The following HS3ST4 variants were observed in gnomAD, a reference collection of about 807,000 sequenced individuals.
The protein encoded by HS3ST4 is heparan sulfate glucosamine 3-O-sulfotransferase 4.
A neutral mutation model predicts 29.2 loss-of-function variants in HS3ST4; 17 were observed. The observed-to-expected ratio is 0.58, with a 90% CI of 0.40 to 0.87. The LOEUF (loss-of-function observed/expected upper bound fraction) is 0.87, where lower values mean the gene tolerates loss of function less well. Ranked by LOEUF, HS3ST4 falls within the 40% of genes least tolerant of loss-of-function variation. The pLI is 0.00. For synonymous variants in HS3ST4, 314 were observed against 285.7 expected, an observed-to-expected ratio of 1.10 and a Z score of -1.00; for missense variants, 627 against 634.5, an observed-to-expected ratio of 0.99 and a Z score of 0.13.
intron 1 of HS3ST4, among the ~76,000 whole-genome samples, chr16:26,017,674 A>G (rs1969374292): frequency 6.6e-6 from 1 of 152,178 alleles, no homozygotes; most frequent in African/African-American, 2.4e-5. Context: ...TCAGTCATTA[A>G]TGTCTTCCTG....
At chr16:26,083,856 G>A (rs1382645169) in intron 1 of HS3ST4, among the ~76,000 whole-genome samples, 1 of 152,242 alleles carries the variant, frequency 6.6e-6, no homozygotes, top group Non-Finnish European at 1.5e-5. Flanking sequence ...TATTTGGACT[G>A]TGAAGTTGAC....
intron 1 of HS3ST4, among the ~76,000 whole-genome samples, chr16:25,885,364 G>T (rs2141665984): frequency 6.6e-6 from 1 of 152,262 alleles, no homozygotes; most frequent in Middle Eastern, 3.4e-3. Context: ...GACCCTCAGA[G>T]GAGGGGACCA....
chr16:26,133,021 C>G (rs1899440064), intron 1 of HS3ST4, among the ~76,000 whole-genome samples: 1 of 152,158 alleles, frequency 6.6e-6, no homozygotes, highest in African/African-American at 2.4e-5. Flanking sequence ...CACCAGCCTC[C>G]AGATCCGGAA....
intron 1 of HS3ST4, among the ~76,000 whole-genome samples, chr16:25,781,580 C>T (rs770713542): frequency 2.0e-5 from 3 of 152,132 alleles, no homozygotes; most frequent in Non-Finnish European, 4.4e-5. Flanking sequence ...AATCCTCACC[C>T]CTCCTTATGT....
chr16:25,782,072 T>C (rs1389773699), intron 1 of HS3ST4, among the ~76,000 whole-genome samples: 5 of 152,056 alleles, frequency 3.3e-5, no homozygotes, highest in Non-Finnish European at 7.4e-5. Flanking sequence ...TGGCAGAAGG[T>C]GAAGGGGAAG....
In HS3ST4 at chr16:26,121,173, G is replaced by T. The variant is rs186379392; in HGVS notation, c.735-14439G>T. 6.9e-3 allele frequency among the ~76,000 whole-genome samples: 1,049 copies of T among 152,296 alleles called. 10 individuals carry two copies. The highest frequency in any genetic ancestry group is 0.016 in the African/African-American group (657 of 41,564). ...AGTTATTTCGAGAGAGGATGGCAGA[G>T]CCAGGATCCCAGGGACAGACAGCCA... On this transcript the variant is annotated intron_variant, in intron 1 of 1. Transcript: ENST00000331351.
chr16:25,704,696 G>A (rs1011306333), intron 1 of HS3ST4, among the ~76,000 whole-genome samples: 2 of 151,974 alleles, frequency 1.3e-5, no homozygotes, highest in African/African-American at 4.8e-5. Context: ...TGGCCAACAT[G>A]GTGAAACCCC....
intron 1 of HS3ST4, among the ~76,000 whole-genome samples, chr16:25,747,381 C>T (rs558036323): frequency 3.9e-5 from 6 of 152,314 alleles, no homozygotes; most frequent in African/African-American, 1.4e-4. Flanking sequence ...CAAAGCTGAG[C>T]TTTTGCTTTT....
intron 1 of HS3ST4, among the ~76,000 whole-genome samples, chr16:26,032,189 G>A (rs1425595897): frequency 1.3e-5 from 2 of 152,200 alleles, no homozygotes; most frequent in Non-Finnish European, 2.9e-5. Flanking sequence ...TGGAAAGGGA[G>A]AAGAGGACAT....
At position 25,828,254 on chromosome 16, in the gene HS3ST4, TTC is replaced by T. The variant is rs1480877004; in HGVS notation, c.734+135105_734+135106del. Among the ~76,000 whole-genome samples, 126 of 73,684 alleles carry T rather than the reference TTC, an allele frequency of 1.7e-3. 1 individual carries two copies. The highest frequency in any genetic ancestry group is 7.2e-3 in the African/African-American group (122 of 16,884). The allele number at this position is 73,684 out of a possible 152,430, so 48.3% of individuals were successfully genotyped here. ...TCTTTCTTTCTTTCTCTTTCTTTCT[TTC>T]TTTCTTTCTTTCTTTCTTTCTTTCT... On this transcript the variant is annotated intron_variant, in intron 1 of 1. Coordinates refer to ENST00000331351, the MANE Select transcript of HS3ST4 (RefSeq NM_006040.3).
intron 1 of HS3ST4, among the ~76,000 whole-genome samples, chr16:26,050,212 A>G (rs1898322692): frequency 6.6e-6 from 1 of 152,100 alleles, no homozygotes; most frequent in Non-Finnish European, 1.5e-5. Context: ...TCCTCTCATT[A>G]ATATACAAAA....
chr16:25,903,807 T>G (rs1394666919), intron 1 of HS3ST4, among the ~76,000 whole-genome samples: 1 of 149,858 alleles, frequency 6.7e-6, no homozygotes, highest in East Asian at 1.9e-4. Flanking sequence ...AATACGCACT[T>G]TTTTGCCTGA....
At chr16:25,825,938 T>A (rs1967210176) in intron 1 of HS3ST4, 1 of 152,326 alleles carries the variant, frequency 6.6e-6, no homozygotes, top group Non-Finnish European at 1.5e-5. Flanking sequence ...TCTTTGCCCT[T>A]TAAAGTCTCT....
At chr16:25,916,673 CTT>C (rs34339195) in intron 1 of HS3ST4, among the ~76,000 whole-genome samples, 4 of 92,166 alleles carry the variant, frequency 4.3e-5, no homozygotes, top group Admixed American at 1.3e-4. Context: ...CAAATGCATT[CTT>C]TTTTTTTTTT....
intron 1 of HS3ST4, among the ~76,000 whole-genome samples, chr16:25,725,161 C>T (rs1414417562): frequency 1.3e-5 from 2 of 151,494 alleles, no homozygotes; most frequent in East Asian, 1.9e-4. Context: ...AGAAATGCTG[C>T]TTCTCTAAAT....
intron 1 of HS3ST4, among the ~76,000 whole-genome samples, chr16:25,740,615 C>A (rs1272371725): frequency 2.0e-5 from 3 of 152,118 alleles, no homozygotes; most frequent in East Asian, 3.8e-4. Context: ...CTAATTTAAA[C>A]CATGTAAAAT....
At chr16:26,119,437 GGATGT>G (rs796718499) in intron 1 of HS3ST4, among the ~76,000 whole-genome samples, 3 of 152,344 alleles carry the variant, frequency 2.0e-5, no homozygotes, top group African/African-American at 7.2e-5. Context: ...TGCACTTATT[GGATGT>G]GCTGCAGGGT....
At chr16:25,889,020 A>G (rs114449651) in intron 1 of HS3ST4, among the ~76,000 whole-genome samples, 2,082 of 152,246 alleles carry the variant, frequency 0.014, 43 homozygotes, top group African/African-American at 0.047. Context: ...GGTTTCCAAG[A>G]CACTGGATTT....
At chr16:25,905,139 C>T (rs1398020048) in intron 1 of HS3ST4, among the ~76,000 whole-genome samples, 5 of 152,074 alleles carry the variant, frequency 3.3e-5, no homozygotes, top group Admixed American at 1.3e-4. Flanking sequence ...AAGGACTCCT[C>T]CTCTCTATGA....
Sources: allele counts gnomAD v4.1 joint callset (sites outside exome capture counted in the v4.1 genomes callset), GRCh38; gene constraint gnomAD v4.1.1; transcripts MANE v1.5; gene names NCBI Gene and HGNC (gene_info 2026-07-23, HGNC 2026-07-21).